ZNF236: variants seen among roughly 807,000 people sequenced by gnomAD.
The protein encoded by ZNF236 is regulated by glucose.
In ZNF236, 50 loss-of-function variants were observed where a neutral mutation model predicts 191.2. The ratio of observed to expected loss-of-function variants is 0.26; its 90% CI spans 0.21 to 0.33. The LOEUF is 0.33. Among genes scored for constraint, ZNF236 ranks in the 10% least tolerant of loss-of-function variants. The probability of loss-of-function intolerance (pLI) is 1.00; values close to 1 mark genes in which losing one functional copy is unlikely to be tolerated. For synonymous variants in ZNF236, 907 were observed against 928.8 expected (o/e 0.98, Z 0.43); for missense variants, 1,754 against 2,374.5 (o/e 0.74, Z 5.43).
At chr18:76,861,423 T>A (rs1001080277) in intron 3 of ZNF236, among the ~76,000 whole-genome samples, 14 of 152,196 alleles carry the variant, frequency 9.2e-5, no homozygotes, top group African/African-American at 3.4e-4. Context: ...GGGTAGAACG[T>A]AGTCATCAGG....
Position 76,881,342 on chromosome 18 carries a change from C to G in ZNF236, c.1247C>G (p.Ser416Cys). Residue 416 changes from serine to cysteine, a missense_variant, in exon 9 of 31, where the codon TCC becomes TGC. Physicochemically the swap from Ser to Cys is moderately radical, Grantham distance 112. Transcript: ENST00000320610. The stretch of plus-strand genomic sequence containing the variant: ...CCAGCTGCAGCACATCCTAATGACT[C>G]CTGCCATGCCAAGACCTCTGCACCA... ...SIPAAAHPND[S>C]CHAKTSAPHA... The G allele has an allele frequency of 6.2e-7, 1 of 1,614,120 alleles. No individual in the cohort carries two copies. The highest frequency in any genetic ancestry group is 8.5e-7 in the Non-Finnish European group (1 of 1,180,028).
chr18:76,871,312 C>T (rs1976578022), intron 4 of ZNF236, among the ~76,000 whole-genome samples: 1 of 152,090 alleles, frequency 6.6e-6, no homozygotes, highest in Non-Finnish European at 1.5e-5. Flanking sequence ...GTTTGGACAT[C>T]ATTGGTATGC....
chr18:76,910,036 A>G (rs1174937878), intron 14 of ZNF236, 32 bp from the exon 15 acceptor site: 2 of 1,541,970 alleles, frequency 1.3e-6, no homozygotes, highest in Non-Finnish European at 1.8e-6. Flanking sequence ...TTCCAAATGT[A>G]TGCGTCCCCC....
At chr18:76,934,183 C>A (rs1282904266) in intron 25 of ZNF236, among the ~76,000 whole-genome samples, 3 of 152,196 alleles carry the variant, frequency 2.0e-5, no homozygotes, top group Non-Finnish European at 4.4e-5. Flanking sequence ...AGAAGTGTAT[C>A]ACCACTTAGG....
chr18:76,948,200 T>G (rs1029709267), intron 27 of ZNF236, among the ~76,000 whole-genome samples: 10 of 152,232 alleles, frequency 6.6e-5, no homozygotes, highest in African/African-American at 2.2e-4. Context: ...ATCTCTTTCC[T>G]TAAAAGTTTC....
chr18:76,896,317 A>C (rs1437785135), intron 10 of ZNF236, among the ~76,000 whole-genome samples: 1 of 151,730 alleles, frequency 6.6e-6, no homozygotes, highest in Non-Finnish European at 1.5e-5. Context: ...TGCTGCACAC[A>C]CACAGGCATT....
At chr18:76,889,009 C>A (rs770348397) in intron 9 of ZNF236, among the ~76,000 whole-genome samples, 1 of 152,216 alleles carries the variant, frequency 6.6e-6, no homozygotes, top group South Asian at 2.1e-4. Context: ...AAGAAACTTT[C>A]TGCAGCATGT....
At chr18:76,829,626 C>A (rs1292159061) in intron 1 of ZNF236, among the ~76,000 whole-genome samples, 1 of 152,126 alleles carries the variant, frequency 6.6e-6, no homozygotes, top group African/African-American at 2.4e-5. Context: ...GGCACCCAGC[C>A]GGTTTATGAT....
chr18:76,958,663 C>G (rs1020232293), intron 28 of ZNF236, among the ~76,000 whole-genome samples: 20 of 152,204 alleles, frequency 1.3e-4, no homozygotes, highest in African/African-American at 4.6e-4. Flanking sequence ...GAGGAATGCA[C>G]TCTAGCTGTT....
At position 76,871,716 on chromosome 18, in the gene ZNF236, GTC is replaced by G; in HGVS notation, c.560_561del (p.Ser187LeufsTer2). The G allele has an allele frequency of 6.2e-7, 1 of 1,614,174 alleles. No individual in the cohort carries two copies. The highest frequency in any genetic ancestry group is 8.5e-7 in the Non-Finnish European group (1 of 1,180,030). On this transcript the variant is annotated frameshift_variant, in exon 5 of 31. Transcript: ENST00000320610. LOFTEE classifies it high-confidence loss of function. Reference sequence around the variant, plus strand: ...ATTACACTAGGGTATCAAGTACAAGGTCTTATAACCGGAATATCGACAGAAGT... The same window carrying G: ...ATTACACTAGGGTATCAAGTACAAGGTTATAACCGGAATATCGACAGAAGT... ...HYKIRVSSTR[S>X]YNRNIDRSGF...
rs1050237685 is a variant in ZNF236 at position 76,948,990 on chromosome 18, G to A, written c.4914+1338G>A. Among the ~76,000 whole-genome samples, 4 of 152,306 alleles carry A rather than the reference G, an allele frequency of 2.6e-5. No homozygotes were observed. The East Asian group carries it at 7.7e-4, about 29-fold the overall frequency. ...TTCCAGGGGCTTATGGGTGATGCTC[G>A]GGAGCTGATCAGGGGCACTGTGGAG... is the stretch of plus-strand genomic sequence containing the variant. On this transcript the variant is annotated intron_variant, in intron 27 of 30. Coordinates refer to ENST00000320610, the MANE Select transcript of ZNF236 (RefSeq NM_001306089.2).
chr18:76,924,060 G>A (rs1967611918), intron 21 of ZNF236, among the ~76,000 whole-genome samples: 1 of 152,152 alleles, frequency 6.6e-6, no homozygotes, highest in Non-Finnish European at 1.5e-5. Flanking sequence ...GAAGCCCTGT[G>A]ATTCTTTTCT....
chr18:76,882,327 C>T (rs1037559740), intron 9 of ZNF236, among the ~76,000 whole-genome samples: 2 of 152,190 alleles, frequency 1.3e-5, no homozygotes, highest in Non-Finnish European at 2.9e-5. Flanking sequence ...TCCTACCTCC[C>T]ACAGCACTTA....
intron 1 of ZNF236, among the ~76,000 whole-genome samples, chr18:76,826,237 G>A (rs1256967203): frequency 6.6e-6 from 1 of 150,590 alleles, no homozygotes; most frequent in Admixed American, 6.6e-5. Flanking sequence ...TCAGCCTCCC[G>A]AGTAACTGGT....
rs985526959 is a variant in ZNF236 at position 76,910,153 on chromosome 18, A to T, written c.2637A>T (p.Pro879=). 2 of 1,612,668 alleles carry T rather than the reference A, an allele frequency of 1.2e-6. No individual in the cohort carries two copies. The highest frequency in any genetic ancestry group is 8.5e-7 in the Non-Finnish European group (1 of 1,178,826). ...GCCCTGCGCAACAGTCCTTCGAACC[A>T]GCAGGGCTACCCCAAGGTCAGTGGT... ...EQSPAQQSFE[P]AGLPQGFTVT... is the part of the protein sequence containing the mutation. The change falls in exon 15 of 31, where the codon CCA becomes CCT. Residue 879 remains proline, a synonymous_variant. Coordinates refer to ENST00000320610, the MANE Select transcript of ZNF236 (RefSeq NM_001306089.2).
chr18:76,943,236 A>G (rs1440910975), intron 26 of ZNF236, among the ~76,000 whole-genome samples: 1 of 152,122 alleles, frequency 6.6e-6, no homozygotes, highest in Admixed American at 6.6e-5. Flanking sequence ...AAAGGGCCCA[A>G]TTTTGGAAGA....
intron 7 of ZNF236, among the ~76,000 whole-genome samples, chr18:76,879,773 T>C (rs1194363920): frequency 1.3e-5 from 2 of 152,224 alleles, no homozygotes; most frequent in Non-Finnish European, 2.9e-5. Flanking sequence ...TTCCTACTTT[T>C]TAAATTTGTG....
chr18:76,844,652 A>C lies in ZNF236; in HGVS notation c.56-4874A>C, dbSNP rs1044960322. ...TATGGATAACTGAGATTTTAAATGC[A>C]CACTGCTTACGAGTTTGTCATAAGA... On this transcript the variant is annotated intron_variant, in intron 1 of 30. Transcript: ENST00000320610. Among the ~76,000 whole-genome samples the C allele has an allele frequency of 1.4e-4, 22 of 152,348 alleles. 1 individual carries two copies. Among genetic ancestry groups the C allele is most frequent in the African/African-American group, 4.6e-4 (19 of 41,590 alleles).
chr18:76,863,855 A>G (rs1976318233), intron 3 of ZNF236, among the ~76,000 whole-genome samples: 1 of 152,250 alleles, frequency 6.6e-6, no homozygotes, highest in South Asian at 2.1e-4. Flanking sequence ...CCAAACAGAA[A>G]GGAAATGACA....
Sources: allele counts gnomAD v4.1 joint callset (sites outside exome capture counted in the v4.1 genomes callset), GRCh38; gene constraint gnomAD v4.1.1; transcripts MANE v1.5; gene names NCBI Gene and HGNC (gene_info 2026-07-23, HGNC 2026-07-21).